Variants in KLHL29 observed in about 807,000 individuals in gnomAD.
KLHL29 encodes kelch-like protein 29.
Under a neutral mutation model 80.4 loss-of-function variants are expected in KLHL29, and 21 were observed. That is an observed-to-expected ratio of 0.26 (90% confidence interval 0.19 to 0.38). The LOEUF (loss-of-function observed/expected upper bound fraction) is 0.38, where lower values mean the gene tolerates loss of function less well. Ranked by LOEUF, KLHL29 falls within the 10% of genes least tolerant of loss-of-function variation. The pLI, the probability that KLHL29 is intolerant of heterozygous loss-of-function variation, is 1.00. For synonymous variants in KLHL29, 511 were observed against 526.8 expected, an observed-to-expected ratio of 0.97 and a Z score of 0.41; for missense variants, 867 against 1,223.9, an observed-to-expected ratio of 0.71 and a Z score of 4.35.
chr2:23,415,313 C>T (rs1666957445), intron 1 of KLHL29, among the ~76,000 whole-genome samples: 1 of 152,212 alleles, frequency 6.6e-6, no homozygotes. Context: ...AGACACAAGG[C>T]AGGGGCTCAG....
intron 2 of KLHL29, among the ~76,000 whole-genome samples, chr2:23,549,919 T>C (rs936887826): frequency 6.6e-6 from 1 of 152,206 alleles, no homozygotes; most frequent in Non-Finnish European, 1.5e-5. Flanking sequence ...AATTAGACAC[T>C]GTCCTAGCTA....
Position 23,536,918 on chromosome 2 carries a change from A to ACACACACACT in KLHL29, c.-45-25233_-45-25232insACACACACTC, listed in dbSNP as rs143009876. On this transcript the variant is annotated intron_variant, in intron 2 of 13. Coordinates refer to ENST00000486442, the MANE Select transcript of KLHL29 (RefSeq NM_052920.2). ...CACACACACACACACACACACACACACTCTCTCTCTCCCTCTCTCGCTCTC... is the reference window on the plus strand; with the variant it reads ...CACACACACACACACACACACACACACACACACACTCTCTCTCTCTCCCTCTCTCGCTCTC... Among the ~76,000 whole-genome samples, 18 of 140,734 alleles carry ACACACACACT rather than the reference A, an allele frequency of 1.3e-4. No individual in the cohort carries two copies. In the East Asian group the frequency reaches 1.8e-3, roughly 14 times the overall value. The allele number at this position is 140,734 out of a possible 152,430, so 92.3% of individuals were successfully genotyped here.
chr2:23,487,637 G>A (rs1664970234), intron 2 of KLHL29, among the ~76,000 whole-genome samples: 1 of 151,950 alleles, frequency 6.6e-6, no homozygotes, highest in African/African-American at 2.4e-5. Context: ...CCCAAGGCTA[G>A]AAGGGGTCCT....
chr2:23,599,580 A>G (rs940071365), intron 3 of KLHL29, among the ~76,000 whole-genome samples: 1 of 151,856 alleles, frequency 6.6e-6, no homozygotes, highest in Non-Finnish European at 1.5e-5. Context: ...AAATATTTAC[A>G]TATATAAATA....
chr2:23,560,195 A>C (rs1462133107), intron 2 of KLHL29, among the ~76,000 whole-genome samples: 14 of 151,898 alleles, frequency 9.2e-5, no homozygotes, highest in Non-Finnish European at 4.4e-5. Context: ...AGTTCAGCCG[A>C]AAAAGTTTAT....
Position 23,600,430 on chromosome 2 carries a change from G to A in KLHL29, c.285+37949G>A, listed in dbSNP as rs1244779420. ...AGATTAGATGCTTGAAAGACTCAGCGACTGTAGCTGCAAGGCCTTGGTCTT... is the reference window on the plus strand; with the variant it reads ...AGATTAGATGCTTGAAAGACTCAGCAACTGTAGCTGCAAGGCCTTGGTCTT... On this transcript the variant is annotated intron_variant, in intron 3 of 13. Transcript: ENST00000486442. Among the ~76,000 whole-genome samples the A allele has an allele frequency of 2.6e-5, 4 of 152,200 alleles. No individual in the cohort carries two copies. In the East Asian group the frequency reaches 7.7e-4, roughly 29 times the overall value.
At chr2:23,628,749 A>C (rs889858895) in intron 3 of KLHL29, among the ~76,000 whole-genome samples, 1 of 152,048 alleles carries the variant, frequency 6.6e-6, no homozygotes, top group African/African-American at 2.4e-5. Context: ...CTGTGGCCCC[A>C]CACCGGCCCA....
chr2:23,398,042 A>T (rs1666495404), intron 1 of KLHL29, among the ~76,000 whole-genome samples: 1 of 152,246 alleles, frequency 6.6e-6, no homozygotes, highest in Non-Finnish European at 1.5e-5. Context: ...TATGGAAAAC[A>T]TTATGGCCAT....
intron 3 of KLHL29, among the ~76,000 whole-genome samples, chr2:23,575,989 C>T (rs1356031889): frequency 6.6e-6 from 1 of 152,206 alleles, no homozygotes; most frequent in African/African-American, 2.4e-5. Flanking sequence ...TACTGCGTCA[C>T]CATCGCCTCT....
chr2:23,585,029 G>A (rs576934868), intron 3 of KLHL29, among the ~76,000 whole-genome samples: 22 of 152,194 alleles, frequency 1.4e-4, no homozygotes, highest in Non-Finnish European at 2.2e-4. Context: ...AACCACCACC[G>A]CCAGCCTACT....
At chr2:23,578,609 C>A (rs1383007585) in intron 3 of KLHL29, among the ~76,000 whole-genome samples, 1 of 152,192 alleles carries the variant, frequency 6.6e-6, no homozygotes, top group East Asian at 1.9e-4. Flanking sequence ...GTCCTTGAGA[C>A]AAAAGACCTG....
At chr2:23,537,638 G>A (rs1386514428) in intron 2 of KLHL29, among the ~76,000 whole-genome samples, 2 of 152,190 alleles carry the variant, frequency 1.3e-5, no homozygotes, top group East Asian at 1.9e-4. Flanking sequence ...GGGACTAAAG[G>A]AAGTAGGAGG....
intron 2 of KLHL29, among the ~76,000 whole-genome samples, chr2:23,525,848 T>C (rs1257519493): frequency 1.3e-5 from 2 of 151,966 alleles, no homozygotes; most frequent in African/African-American, 4.8e-5. Flanking sequence ...ATTCTAGGGA[T>C]CCTGTGTTGC....
intron 11 of KLHL29, among the ~76,000 whole-genome samples, chr2:23,699,836 A>G (rs529786791): frequency 2.0e-5 from 3 of 152,080 alleles, no homozygotes; most frequent in Non-Finnish European, 4.4e-5. Context: ...CCTCTTCAGC[A>G]CTTTCTCCTA....
chr2:23,544,513 T>C (rs913653087), intron 2 of KLHL29, among the ~76,000 whole-genome samples: 12 of 152,144 alleles, frequency 7.9e-5, no homozygotes, highest in Non-Finnish European at 1.6e-4. Context: ...GAGTCTGTGT[T>C]TAGAAGCACT....
At chr2:23,643,290 C>T (rs1348276566) in intron 5 of KLHL29, 1 of 324,244 alleles carries the variant, frequency 3.1e-6, no homozygotes, top group Admixed American at 4.0e-5. Context: ...GTACTGTGTC[C>T]TTCCCAGGGA....
intron 3 of KLHL29, among the ~76,000 whole-genome samples, chr2:23,629,678 T>C (rs1669419591): frequency 6.6e-6 from 1 of 152,180 alleles, no homozygotes; most frequent in African/African-American, 2.4e-5. Context: ...AGGCCATCTG[T>C]GCTGCACTTT....
intron 1 of KLHL29, among the ~76,000 whole-genome samples, chr2:23,391,911 C>T (rs954724961): frequency 6.6e-6 from 1 of 152,182 alleles, no homozygotes; most frequent in African/African-American, 2.4e-5. Context: ...CTCATGCTTT[C>T]CTTGGGGGCT....
At chr2:23,545,900 A>C (rs1172969188) in intron 2 of KLHL29, among the ~76,000 whole-genome samples, 3 of 152,194 alleles carry the variant, frequency 2.0e-5, no homozygotes, top group Admixed American at 1.3e-4. Flanking sequence ...CGCCTCATCC[A>C]AGGCCAGTCC....
Sources: allele counts gnomAD v4.1 joint callset (sites outside exome capture counted in the v4.1 genomes callset), GRCh38; gene constraint gnomAD v4.1.1; transcripts MANE v1.5; gene names NCBI Gene and HGNC (gene_info 2026-07-23, HGNC 2026-07-21).